The following CDC42BPA variants were observed in gnomAD, a reference collection of about 807,000 sequenced individuals.
CDC42BPA encodes the protein CDC42 binding protein kinase alpha, also known as serine/threonine-protein kinase MRCK alpha.
A neutral mutation model predicts 223.5 loss-of-function variants in CDC42BPA; 80 were observed. The ratio of observed to expected loss-of-function variants is 0.36; its 90% CI spans 0.30 to 0.43. The LOEUF is 0.43. CDC42BPA is among the 20% of genes least tolerant of loss of function. The pLI is 1.00. For missense variants in CDC42BPA, 1,743 were observed against 2,099.9 expected (o/e 0.83, Z 3.32); for synonymous variants, 694 against 718.6 (o/e 0.97, Z 0.55).
chr1:227,100,507 T>G (rs1684821253), intron 15 of CDC42BPA, among the ~76,000 whole-genome samples: 1 of 152,130 alleles, frequency 6.6e-6, no homozygotes, highest in Non-Finnish European at 1.5e-5. Flanking sequence ...GTCCCCCTTT[T>G]CCTTTAGATC....
chr1:227,132,690 G>A (rs1409280577), intron 10 of CDC42BPA, among the ~76,000 whole-genome samples: 1 of 150,866 alleles, frequency 6.6e-6, no homozygotes, highest in Non-Finnish European at 1.5e-5. Flanking sequence ...AGTGAGGAGC[G>A]CCTCTTCCCC....
chr1:227,173,810 C>T (rs1452087072), intron 5 of CDC42BPA, among the ~76,000 whole-genome samples: 1 of 151,964 alleles, frequency 6.6e-6, no homozygotes, highest in Non-Finnish European at 1.5e-5. Flanking sequence ...TAATAAAATA[C>T]AACTGTTAAG....
At chr1:227,296,573 T>A (rs1160670560) in intron 1 of CDC42BPA, among the ~76,000 whole-genome samples, 1 of 151,608 alleles carries the variant, frequency 6.6e-6, no homozygotes, top group African/African-American at 2.4e-5. Context: ...GGGCATGGTG[T>A]CACATGCCTG....
chr1:227,205,116 G>A (rs190741476), intron 3 of CDC42BPA, among the ~76,000 whole-genome samples: 4 of 151,496 alleles, frequency 2.6e-5, no homozygotes, highest in East Asian at 3.9e-4. Context: ...AAAATTAGCC[G>A]GGTGTGGTGG....
intron 23 of CDC42BPA, among the ~76,000 whole-genome samples, chr1:227,046,517 C>T (rs963347852): frequency 4.6e-5 from 7 of 152,130 alleles, no homozygotes; most frequent in African/African-American, 1.4e-4. Flanking sequence ...CTGGTTGGTG[C>T]CCTTAAATTT....
At chr1:227,224,997 T>C (rs1159114160) in intron 2 of CDC42BPA, among the ~76,000 whole-genome samples, 1 of 152,170 alleles carries the variant, frequency 6.6e-6, no homozygotes, top group African/African-American at 2.4e-5. Flanking sequence ...ATCTTTATAT[T>C]CATGGAGCAC....
intron 1 of CDC42BPA, among the ~76,000 whole-genome samples, chr1:227,302,735 T>C (rs1217785717): frequency 6.6e-6 from 1 of 152,166 alleles, no homozygotes; most frequent in South Asian, 2.1e-4. Context: ...CTTTTAGAAT[T>C]CCTATCATTC....
intron 35 of CDC42BPA, among the ~76,000 whole-genome samples, chr1:227,001,488 T>A (rs1379900186): frequency 6.6e-6 from 1 of 152,256 alleles, no homozygotes; most frequent in African/African-American, 2.4e-5. Context: ...GGAGATGGGC[T>A]GTCTTGGCTC....
chr1:227,216,773 T>C (rs559145363), intron 2 of CDC42BPA, among the ~76,000 whole-genome samples: 33 of 152,320 alleles, frequency 2.2e-4, no homozygotes, highest in Middle Eastern at 3.4e-3. Context: ...AAATTAAAAG[T>C]ACATTTAGTA....
chr1:227,086,679 T>G (rs1681981560), intron 16 of CDC42BPA, among the ~76,000 whole-genome samples: 1 of 145,938 alleles, frequency 6.9e-6, no homozygotes, highest in African/African-American at 2.6e-5. Context: ...TAAGAGGTTT[T>G]TTTTTCCTTT....
intron 4 of CDC42BPA, among the ~76,000 whole-genome samples, chr1:227,199,171 T>C (rs1671296614): frequency 6.6e-6 from 1 of 152,178 alleles, no homozygotes; most frequent in South Asian, 2.1e-4. Context: ...CAGTGGAAAA[T>C]TCTGGAAATG....
At position 227,073,989 on chromosome 1, in the gene CDC42BPA, A is replaced by C; in HGVS notation, c.2610T>G (p.Arg870=). The C allele has an allele frequency of 6.2e-7, 1 of 1,611,936 alleles. No homozygotes were observed. The highest frequency in any genetic ancestry group is 8.5e-7 in the Non-Finnish European group (1 of 1,179,474). Reference sequence around the variant, plus strand: ...TAGCTGACATATCCAGTTTCGCAAAACGACGCATTTTCCAGGGCATATCCT... The same window carrying C: ...TAGCTGACATATCCAGTTTCGCAAACCGACGCATTTTCCAGGGCATATCCT... ...RATDMPWKMR[R]FAKLDMSARL... is the part of the protein sequence containing the mutation. Residue 870 remains arginine (R), a synonymous_variant, in exon 19 of 37, where the codon CGT becomes CGG. Coordinates refer to ENST00000366766, the MANE Select transcript of CDC42BPA (RefSeq NM_001394014.1).
chr1:227,147,234 C>T, intron 7 of CDC42BPA, 125 bp downstream of exon 7: 2 of 617,964 alleles, frequency 3.2e-6, no homozygotes, highest in South Asian at 2.3e-5. Flanking sequence ...TTATGTTGTC[C>T]TGTCCCATAC....
At chr1:227,246,149 T>G (rs1219607478) in intron 2 of CDC42BPA, among the ~76,000 whole-genome samples, 1 of 152,098 alleles carries the variant, frequency 6.6e-6, no homozygotes, top group African/African-American at 2.4e-5. Flanking sequence ...AAGTGAACAC[T>G]GGTGGTGTGG....
chr1:227,118,457 T>G (rs1688114533), intron 12 of CDC42BPA, among the ~76,000 whole-genome samples: 1 of 152,152 alleles, frequency 6.6e-6, no homozygotes, highest in African/African-American at 2.4e-5. Context: ...CTATAGGATA[T>G]TAAGCAAATC....
intron 34 of CDC42BPA, among the ~76,000 whole-genome samples, chr1:227,005,685 A>C (rs1247641510): frequency 6.6e-6 from 1 of 152,264 alleles, no homozygotes; most frequent in Non-Finnish European, 1.5e-5. Context: ...AAGTTAGTTA[A>C]TTTGGGAATA....
chr1:227,168,502 T>TGTTTTTTTTTTG (rs1665509889), intron 5 of CDC42BPA, among the ~76,000 whole-genome samples: 1 of 128,396 alleles, frequency 7.8e-6, no homozygotes, highest in Non-Finnish European at 1.7e-5. Flanking sequence ...CTGGTGTTTT[T>TGTTTTTTTTTTG]TTTTTTTTTT....
At chr1:227,160,488 A>T in intron 6 of CDC42BPA, 55 bp downstream of exon 6, 1 of 1,113,484 alleles carries the variant, frequency 9.0e-7, no homozygotes. Flanking sequence ...TATATCAGAC[A>T]AATAGCAAGG....
At chr1:227,264,836 A>G (rs1684706895) in intron 1 of CDC42BPA, 1 of 1,505,520 alleles carries the variant, frequency 6.6e-7, no homozygotes, top group Non-Finnish European at 9.2e-7. Context: ...TGTGTATGCC[A>G]CTGTAATTCC....
Sources: allele counts gnomAD v4.1 joint callset (sites outside exome capture counted in the v4.1 genomes callset), GRCh38; gene constraint gnomAD v4.1.1; transcripts MANE v1.5; gene names NCBI Gene and HGNC (gene_info 2026-07-23, HGNC 2026-07-21).